The following EFCAB8 variants were observed in gnomAD, a reference collection of about 807,000 sequenced individuals.
The protein encoded by EFCAB8 is EF-hand calcium-binding domain-containing protein 8.
EFCAB8 carries 100 observed loss-of-function variants against 116.3 expected under a neutral mutation model. The observed-to-expected ratio is 0.86, with a 90% CI of 0.73 to 1.02. The LOEUF (loss-of-function observed/expected upper bound fraction) is 1.02. Among genes scored for constraint, EFCAB8 ranks in the 50% least tolerant of loss-of-function variants. EFCAB8 has a pLI of 0.00. For synonymous variants in EFCAB8, 558 were observed against 567.9 expected, an observed-to-expected ratio of 0.98 and a Z score of 0.25; for missense variants, 1,320 against 1,416.9, an observed-to-expected ratio of 0.93 and a Z score of 1.10.
At chr20:32,883,731 C>T (rs997679370) in intron 5 of EFCAB8, among the ~76,000 whole-genome samples, 1 of 151,928 alleles carries the variant, frequency 6.6e-6, no homozygotes, top group African/African-American at 2.4e-5. Context: ...CACTCTGTCA[C>T]CCAGGCTGGA....
chr20:32,891,603 C>T (rs1490485957), intron 7 of EFCAB8, among the ~76,000 whole-genome samples: 1 of 152,196 alleles, frequency 6.6e-6, no homozygotes, highest in Admixed American at 6.5e-5. Context: ...CAGACAAGGC[C>T]AAAAGCAGAG....
rs1458407629 is a variant in EFCAB8, at chr20:32,906,593, CT to C, written c.1123del (p.Cys375AlafsTer12). The C allele has an allele frequency of 2.6e-5, 19 of 718,386 alleles. No individual in the cohort carries two copies. Among genetic ancestry groups the C allele is most frequent in the Non-Finnish European group, 4.9e-5 (19 of 385,102 alleles). 44.5% of individuals were successfully genotyped at this position (718,386 alleles called of 1,614,324 possible). A position where few individuals can be genotyped will look rare whatever the true frequency, so the allele number is the denominator to read the frequency against. ...LSVLRLRKGILCFDYCPDRNF... is the reference protein window; with the variant it reads ...LSVLRLRKGIXCFDYCPDRNF... ...AGTGCTGCGTTTAAGGAAAGGGATT[CT>C]TTGCTTTGATTACTGCCCAGACAGG... On this transcript the variant is annotated frameshift_variant, in exon 12 of 27. Transcript: ENST00000400522. LOFTEE classifies it high-confidence loss of function.
At chr20:32,935,192 C>CTTTTTTTTTTTTTTTTTT (rs753039647) in intron 22 of EFCAB8, among the ~76,000 whole-genome samples, 15 of 34,046 alleles carry the variant, frequency 4.4e-4, no homozygotes, top group Non-Finnish European at 5.6e-4. Context: ...TTCTTTCTTT[C>CTTTTTTTTTTTTTTTTTT]TTTTTTTTTT....
chr20:32,934,018 T>C (rs930523146), intron 22 of EFCAB8, among the ~76,000 whole-genome samples: 7 of 151,232 alleles, frequency 4.6e-5, no homozygotes, highest in African/African-American at 1.7e-4. Context: ...AAAAACTTTT[T>C]TTTTTTTTTT....
chr20:32,946,358 C>T (rs1988595870), intron 23 of EFCAB8, among the ~76,000 whole-genome samples: 1 of 152,214 alleles, frequency 6.6e-6, no homozygotes, highest in Admixed American at 6.5e-5. Context: ...TACAAGTGAG[C>T]ACTATGAATT....
intron 2 of EFCAB8, 107 bp from the exon 3 acceptor site, chr20:32,867,475 C>G (rs749689592): frequency 6.4e-6 from 8 of 1,252,442 alleles, no homozygotes; most frequent in Non-Finnish European, 8.8e-6. Flanking sequence ...CATAACACTA[C>G]TTACCTTGTT....
intron 23 of EFCAB8, among the ~76,000 whole-genome samples, chr20:32,956,732 G>GT: frequency 6.6e-6 from 1 of 152,152 alleles, no homozygotes; most frequent in South Asian, 2.1e-4. Flanking sequence ...TATGATGTGC[G>GT]TAAGTGTGGT....
chr20:32,898,592 A>G lies in EFCAB8; in HGVS notation c.1057A>G (p.Ile353Val). The change falls in exon 11 of 27, where the codon ATA becomes GTA. Residue 353 changes from isoleucine (I) to valine (V), a missense_variant. Ile to Val is a conservative substitution (Grantham distance 29). Transcript: ENST00000400522. ...AIEKSSLVLT[I>V]LPAKASKKPR... ...CGAGAAGTCCTCTCTGGTGCTGACA[A>G]TATTGCCAGCCAAAGCCTCTAAGAA... is the stretch of plus-strand genomic sequence containing the variant. The G allele has an allele frequency of 2.8e-6, 2 of 718,628 alleles. No homozygotes were observed. Among genetic ancestry groups the G allele is most frequent in the South Asian group, 1.5e-5 (1 of 67,584 alleles). The allele number at this position is 718,628 out of a possible 1,614,324, so 44.5% of individuals were successfully genotyped here.
intron 5 of EFCAB8, among the ~76,000 whole-genome samples, chr20:32,883,606 C>T (rs1383633005): frequency 6.6e-6 from 1 of 152,138 alleles, no homozygotes; most frequent in Non-Finnish European, 1.5e-5. Flanking sequence ...TAAAAGCAAC[C>T]ATTTGAACAT....
rs144889337 is a variant in EFCAB8 at position 32,958,490 on chromosome 20, G to C, written c.3029G>C (p.Ser1010Thr). 1 of 416,918 alleles carries C rather than the reference G, an allele frequency of 2.4e-6. No homozygotes were observed. Among genetic ancestry groups the C allele is most frequent in the Non-Finnish European group, 4.4e-6 (1 of 226,432 alleles). 25.8% of individuals were successfully genotyped at this position (416,918 alleles called of 1,614,324 possible). The change falls in exon 24 of 27, where the codon AGC becomes ACC. Residue 1010 changes from serine (S) to threonine (T), a missense_variant. Transcript: ENST00000400522. ...GATGGTCCTCGTGAAAACAGAGCAAGCTTAGAGGAAGATGGTGACTCCACT... is the reference window on the plus strand; with the variant it reads ...GATGGTCCTCGTGAAAACAGAGCAACCTTAGAGGAAGATGGTGACTCCACT... ...ACDGPRENRA[S>T]LEEDGDSTGT...
intron 2 of EFCAB8, among the ~76,000 whole-genome samples, chr20:32,867,359 A>G (rs898609612): frequency 2.0e-5 from 3 of 152,214 alleles, no homozygotes; most frequent in Admixed American, 6.5e-5. Context: ...TGGCATCTGT[A>G]AAAAGGGAAC....
intron 22 of EFCAB8, among the ~76,000 whole-genome samples, chr20:32,942,703 G>C (rs901712752): frequency 1.3e-5 from 2 of 151,792 alleles, no homozygotes; most frequent in African/African-American, 2.4e-5. Context: ...TCCTTTGCCT[G>C]TTTATCACTT....
At chr20:32,957,482 A>G (rs1989007284) in intron 23 of EFCAB8, among the ~76,000 whole-genome samples, 1 of 151,986 alleles carries the variant, frequency 6.6e-6, no homozygotes, top group South Asian at 2.1e-4. Flanking sequence ...CAGCTTTAGG[A>G]GGACTCAGTT....
intron 1 of EFCAB8, among the ~76,000 whole-genome samples, chr20:32,859,741 C>G (rs1312101008): frequency 1.3e-5 from 2 of 152,082 alleles, no homozygotes; most frequent in Non-Finnish European, 2.9e-5. Flanking sequence ...GCCCTTTTAC[C>G]CCTAAATACT....
intron 11 of EFCAB8, among the ~76,000 whole-genome samples, chr20:32,899,860 C>T (rs1189453549): frequency 1.3e-5 from 2 of 152,172 alleles, no homozygotes; most frequent in African/African-American, 4.8e-5. Flanking sequence ...AGGCACGAGC[C>T]ACCGCGCCTG....
chr20:32,892,273 G>C lies in EFCAB8; in HGVS notation c.734G>C (p.Ser245Thr). The C allele has an allele frequency of 4.5e-6, 7 of 1,551,660 alleles. No homozygotes were observed. The highest frequency in any genetic ancestry group is 6.1e-6 in the Non-Finnish European group (7 of 1,147,000). The part of the protein sequence containing the change: ...VRAFTFVDLD[S>T]CALVMDYWSD... ...GCCTTCACCTTTGTTGATCTGGACA[G>C]CTGTGCTCTGGTCATGGACTACTGG... Residue 245 changes from serine to threonine, a missense_variant, in exon 8 of 27, where the codon AGC becomes ACC. Physicochemically the swap from Ser to Thr is moderately conservative, Grantham distance 58. Coordinates refer to ENST00000400522, the MANE Select transcript of EFCAB8 (RefSeq NM_001143967.2).
rs1989098338 is a variant in EFCAB8, at chr20:32,960,112, A to G, written c.3344A>G (p.Asn1115Ser). 1.9e-6 allele frequency: 3 copies of G among 1,551,584 alleles called. No individual in the cohort carries two copies. The highest frequency in any genetic ancestry group is 1.4e-5 in the African/African-American group (1 of 73,046). The change falls in exon 26 of 27, where the codon AAT (asparagine) becomes AGT (serine). Residue 1115 changes from asparagine to serine, a missense_variant. Coordinates refer to ENST00000400522, the MANE Select transcript of EFCAB8 (RefSeq NM_001143967.2). ...TATAAGCCCAAGGAACGCTTGCAGA[A>G]TACCAGGTTCCTGTCCACCAGGGTG... ...AAYKPKERLQNTRFLSTRVPY... is the reference protein window; with the variant it reads ...AAYKPKERLQSTRFLSTRVPY...
rs139058863 is a variant in EFCAB8 at position 32,860,883 on chromosome 20, G to A, written c.-11+1877G>A. Among the ~76,000 whole-genome samples, 3 of 151,974 alleles carry A rather than the reference G, an allele frequency of 2.0e-5. No individual in the cohort carries two copies. The East Asian group carries it at 5.8e-4, about 29-fold the overall frequency. Reference sequence around the variant, plus strand: ...CCTCTTGAGTAGCTGGGACTACAGGGGAGTGTCACCATACCCAGATAATTT... The same window carrying A: ...CCTCTTGAGTAGCTGGGACTACAGGAGAGTGTCACCATACCCAGATAATTT... On this transcript the variant is annotated intron_variant, in intron 1 of 26. Transcript: ENST00000400522.
At chr20:32,891,758 G>A (rs1985924575) in intron 7 of EFCAB8, among the ~76,000 whole-genome samples, 1 of 152,190 alleles carries the variant, frequency 6.6e-6, no homozygotes, top group East Asian at 1.9e-4. Context: ...AGATGCGGGA[G>A]ACAACATGAC....
Sources: allele counts gnomAD v4.1 joint callset (sites outside exome capture counted in the v4.1 genomes callset), GRCh38; gene constraint gnomAD v4.1.1; transcripts MANE v1.5; gene names NCBI Gene and HGNC (gene_info 2026-07-23, HGNC 2026-07-21).